The following TIAM1 variants were observed in gnomAD, a reference collection of about 807,000 sequenced individuals.
TIAM1 encodes the protein TIAM Rac1 associated GEF 1.
Under a neutral mutation model 163.5 loss-of-function variants are expected in TIAM1, and 65 were observed. That is an observed-to-expected ratio of 0.40 (90% CI 0.33 to 0.49). The LOEUF is 0.49. Ranked by LOEUF, TIAM1 falls within the 20% of genes least tolerant of loss-of-function variation. The pLI is 0.77. For missense variants in TIAM1, 1,789 were observed against 2,044.7 expected (o/e 0.87, Z 2.41); for synonymous variants, 833 against 810.1 (o/e 1.03, Z -0.48).
intron 1 of TIAM1, among the ~76,000 whole-genome samples, chr21:31,539,478 G>T (rs983516484): frequency 6.6e-6 from 1 of 151,682 alleles, no homozygotes; most frequent in Non-Finnish European, 1.5e-5. Context: ...TGTTAGCCAG[G>T]ATGGTCTTGA....
chr21:31,481,490 A>G (rs2046107069), intron 1 of TIAM1, among the ~76,000 whole-genome samples: 1 of 152,142 alleles, frequency 6.6e-6, no homozygotes, highest in African/African-American at 2.4e-5. Context: ...GCTCAGTCCC[A>G]CAAGATTGCC....
intron 2 of TIAM1, among the ~76,000 whole-genome samples, chr21:31,288,173 G>A (rs2073886503): frequency 6.6e-6 from 1 of 152,026 alleles, no homozygotes; most frequent in South Asian, 2.1e-4. Context: ...CTGGAAATTT[G>A]GTGTCCATTC....
intron 14 of TIAM1, among the ~76,000 whole-genome samples, chr21:31,186,041 A>C (rs1216311091): frequency 6.6e-6 from 1 of 152,258 alleles, no homozygotes; most frequent in Non-Finnish European, 1.5e-5. Flanking sequence ...AGTGTGTAAC[A>C]GTTTATTACA....
At chr21:31,290,646 C>CAGA (rs2073985442) in intron 2 of TIAM1, among the ~76,000 whole-genome samples, 1 of 63,212 alleles carries the variant, frequency 1.6e-5, no homozygotes, top group Non-Finnish European at 3.1e-5. Context: ...GACTCTATCT[C>CAGA]AAAAAAAAAA....
chr21:31,202,757 G>C, intron 12 of TIAM1, 151 bp downstream of exon 12: 1 of 683,122 alleles, frequency 1.5e-6, no homozygotes, highest in Admixed American at 2.7e-5. Flanking sequence ...ACTGAGCTAA[G>C]TAGGGCCATC....
intron 6 of TIAM1, among the ~76,000 whole-genome samples, chr21:31,227,120 C>CT (rs1386534408): frequency 2.6e-5 from 4 of 151,846 alleles, no homozygotes; most frequent in African/African-American, 9.7e-5. Context: ...CCATGCCCGG[C>CT]TAAGTTTTAT....
chr21:31,194,775 T>C (rs1285406476), intron 13 of TIAM1, among the ~76,000 whole-genome samples: 2 of 152,226 alleles, frequency 1.3e-5, no homozygotes, highest in Non-Finnish European at 2.9e-5. Context: ...GTAAGCTAAG[T>C]TAAACAATCA....
At chr21:31,209,629 GAAC>G (rs1424549565) in intron 11 of TIAM1, among the ~76,000 whole-genome samples, 1 of 152,186 alleles carries the variant, frequency 6.6e-6, no homozygotes, top group African/African-American at 2.4e-5. Context: ...TGATGCCATT[GAAC>G]ACATGTATCT....
At chr21:31,279,515 C>G (rs748227583) in intron 2 of TIAM1, among the ~76,000 whole-genome samples, 1 of 152,214 alleles carries the variant, frequency 6.6e-6, no homozygotes, top group Non-Finnish European at 1.5e-5. Flanking sequence ...GGAGTCCAAG[C>G]TGGGAGTCGG....
chr21:31,269,671 G>GT (rs11350283), intron 3 of TIAM1, among the ~76,000 whole-genome samples: 6,528 of 124,210 alleles, frequency 0.053, 214 homozygotes, highest in Non-Finnish European at 0.07. Context: ...AAGTTTGTTT[G>GT]TTTTTTTTTT....
At chr21:31,420,456 T>G (rs1422142009) in intron 2 of TIAM1, among the ~76,000 whole-genome samples, 1 of 152,194 alleles carries the variant, frequency 6.6e-6, no homozygotes, top group Non-Finnish European at 1.5e-5. Flanking sequence ...AAGGGAAATT[T>G]GTGAAAAACT....
At chr21:31,185,233 T>C (rs957769532) in intron 14 of TIAM1, among the ~76,000 whole-genome samples, 2 of 151,936 alleles carry the variant, frequency 1.3e-5, no homozygotes, top group African/African-American at 4.8e-5. Flanking sequence ...ACCTGTCCCA[T>C]TTATTTACAG....
intron 1 of TIAM1, among the ~76,000 whole-genome samples, chr21:31,532,092 G>A (rs1262250333): frequency 6.6e-6 from 1 of 152,106 alleles, no homozygotes; most frequent in African/African-American, 2.4e-5. Context: ...ATTCCAGCCT[G>A]GGTGACAGAG....
intron 2 of TIAM1, among the ~76,000 whole-genome samples, chr21:31,332,575 A>T (rs1445658726): frequency 6.6e-6 from 1 of 152,104 alleles, no homozygotes; most frequent in Non-Finnish European, 1.5e-5. Context: ...GCTTACCAGA[A>T]ATACCCTCAC....
At chr21:31,135,820 G>A (rs1444879742) in intron 23 of TIAM1, 113 bp downstream of exon 23, 1 of 944,862 alleles carries the variant, frequency 1.1e-6, no homozygotes, top group East Asian at 2.5e-5. Flanking sequence ...ACCGATTCAA[G>A]TAACTGCAAT....
chr21:31,364,078 T>C (rs564322490), intron 2 of TIAM1, among the ~76,000 whole-genome samples: 1 of 152,324 alleles, frequency 6.6e-6, no homozygotes, highest in East Asian at 1.9e-4. Context: ...CATTTCTTCA[T>C]TATCCTAGTA....
intron 2 of TIAM1, among the ~76,000 whole-genome samples, chr21:31,402,064 T>G (rs1399546055): frequency 6.6e-6 from 1 of 151,686 alleles, no homozygotes; most frequent in Admixed American, 6.6e-5. Context: ...ATACAAAAAA[T>G]TAGCCGGGCG....
chr21:31,521,872 T>C (rs1353812864), intron 1 of TIAM1, among the ~76,000 whole-genome samples: 1 of 152,012 alleles, frequency 6.6e-6, no homozygotes, highest in Admixed American at 6.6e-5. Flanking sequence ...TCTTGGCTCT[T>C]AATAATTCTT....
intron 2 of TIAM1, among the ~76,000 whole-genome samples, chr21:31,394,687 TTCTC>T (rs539349529): frequency 0.23 from 23,642 of 103,886 alleles, 2,193 homozygotes; most frequent in Middle Eastern, 0.51. Context: ...AATCTACTCA[TTCTC>T]TCTCTCTCTC....
Sources: gnomAD v4.1 joint callset for allele counts (sites outside exome capture counted in the v4.1 genomes callset) on GRCh38, gnomAD v4.1.1 for gene constraint, MANE v1.5 for transcripts, NCBI Gene and HGNC (gene_info 2026-07-23, HGNC 2026-07-21) for gene names.